The following SHC2 variants were observed in gnomAD, a reference collection of about 807,000 sequenced individuals.
SHC2 encodes the protein SHC adaptor protein 2.
SHC2 carries 62 observed loss-of-function variants against 60.6 expected under a neutral mutation model. The ratio of observed to expected loss-of-function variants is 1.02; its 90% CI spans 0.83 to 1.26. SHC2 has a LOEUF of 1.26. Ranked by LOEUF, SHC2 falls within the 50% of genes most tolerant of loss-of-function variation. The probability of loss-of-function intolerance (pLI) is 0.00; values close to 1 mark genes in which losing one functional copy is unlikely to be tolerated. For synonymous variants in SHC2, 375 were observed against 372.4 expected (o/e 1.01, Z -0.08); for missense variants, 873 against 822.2 (o/e 1.06, Z -0.76).
intron 9 of SHC2, among the ~76,000 whole-genome samples, chr19:430,289 C>T (rs1020672057): frequency 2.0e-5 from 3 of 151,386 alleles, no homozygotes; most frequent in Admixed American, 6.6e-5. Flanking sequence ...TATACCCCAA[C>T]GTGCACAGAA....
intron 12 of SHC2, among the ~76,000 whole-genome samples, chr19:418,091 T>C (rs545845714): frequency 2.0e-5 from 3 of 152,130 alleles, no homozygotes; most frequent in Admixed American, 2.0e-4. Context: ...GACCTGCCTG[T>C]CCCTCCTCCG....
chr19:456,090 C>T (rs1211748412), intron 1 of SHC2, among the ~76,000 whole-genome samples: 1 of 152,198 alleles, frequency 6.6e-6, no homozygotes, highest in African/African-American at 2.4e-5. Context: ...ACTGCGTAAC[C>T]TCAGACACAG....
rs897344564 is a variant in SHC2 at position 445,486 on chromosome 19, C to G, written c.469-4554G>C. 1.3e-5 allele frequency among the ~76,000 whole-genome samples: 2 copies of G among 152,178 alleles called. No individual in the cohort carries two copies. Among genetic ancestry groups the G allele is most frequent in the South Asian group, 2.1e-4 (1 of 4,830 alleles). On this transcript the variant is annotated intron_variant, in intron 1 of 12. Transcript: ENST00000264554. The surrounding 1 kb of genome is among the most constrained non-coding windows in gnomAD (Gnocchi z 4.4). ...CAGCAGCTCATGCCTGTAATCGCAG[C>G]ACTTCAGGAGACCTAGGTGGGAGGC...
rs1025523021 is a variant in SHC2 at position 440,196 on chromosome 19, C to T, written c.539+666G>A. On this transcript the variant is annotated intron_variant, in intron 2 of 12. Coordinates refer to ENST00000264554, the MANE Select transcript of SHC2 (RefSeq NM_012435.3). The surrounding 1 kb of genome is among the most constrained non-coding windows in gnomAD (Gnocchi z 7.0). ...GATCCACAGAGACAGGGAGGGGATGCGTGGGTGCCGGGGCTGGGGAGGGGA... is the reference window on the plus strand; with the variant it reads ...GATCCACAGAGACAGGGAGGGGATGTGTGGGTGCCGGGGCTGGGGAGGGGA... Among the ~76,000 whole-genome samples, 7 of 145,358 alleles carry T rather than the reference C, an allele frequency of 4.8e-5. No homozygotes were observed. Among genetic ancestry groups the T allele is most frequent in the African/African-American group, 1.0e-4 (4 of 39,222 alleles).
Position 422,152 on chromosome 19 carries a change from C to G in SHC2, c.1614G>C (p.Glu538Asp). The G allele has an allele frequency of 6.2e-7, 1 of 1,608,188 alleles. No individual in the cohort carries two copies. The highest frequency in any genetic ancestry group is 8.5e-7 in the Non-Finnish European group (1 of 1,177,286). Reference protein sequence around the residue: ...QPKHLLLVDPEGVVRTKDVLF... With the variant: ...QPKHLLLVDPDGVVRTKDVLF... Reference sequence around the variant, plus strand: ...CCACCTGTGCACAGCTTACCACGCCCTCGGGGTCCACGAGCAGCAGGTGCT... The same window carrying G: ...CCACCTGTGCACAGCTTACCACGCCGTCGGGGTCCACGAGCAGCAGGTGCT... Residue 538 changes from glutamate (E) to aspartate (D), a missense_variant, in exon 11 of 13, where the codon GAG becomes GAC. Physicochemically the swap from Glu to Asp is conservative, Grantham distance 45. Transcript: ENST00000264554. This position sits in a 1 kb window ranked among gnomAD's most constrained non-coding sequence, Gnocchi z 5.0.
Position 438,877 on chromosome 19 carries a change from G to A in SHC2, c.601-40C>T, listed in dbSNP as rs1334150172. ...GAGCACAGCGAGGGCGGCTGTGGGT[G>A]GGGGCTGTCGAGGGGCTCCCAGGAT... On this transcript the variant is annotated intron_variant, in intron 3 of 12. Coordinates refer to ENST00000264554, the MANE Select transcript of SHC2 (RefSeq NM_012435.3). This position sits in a 1 kb window ranked among gnomAD's most constrained non-coding sequence, Gnocchi z 5.0. 6.4e-7 allele frequency: 1 copy of A among 1,554,086 alleles called. No homozygotes were observed.
chr19:425,365 G>C lies in SHC2; in HGVS notation c.1175-134C>G, dbSNP rs1351113422. 1.2e-5 allele frequency: 9 copies of C among 732,904 alleles called. No individual in the cohort carries two copies. The South Asian group carries it at 2.7e-4, about 22-fold the overall frequency. The allele number at this position is 732,904 out of a possible 1,614,324, so 45.4% of individuals were successfully genotyped here. A position where few individuals can be genotyped will look rare whatever the true frequency, so the allele number is the denominator to read the frequency against. On this transcript the variant is annotated intron_variant, in intron 9 of 12. Coordinates refer to ENST00000264554, the MANE Select transcript of SHC2 (RefSeq NM_012435.3). This position sits in a 1 kb window ranked among gnomAD's most constrained non-coding sequence, Gnocchi z 4.1. ...TGGCTGCAGGGCGGATGCTGCTCTG[G>C]TCTCCCTGTGGTAACCCGCCCGTCT...
chr19:428,881 C>A (rs1252145530), intron 9 of SHC2, among the ~76,000 whole-genome samples: 5 of 151,852 alleles, frequency 3.3e-5, no homozygotes, highest in African/African-American at 1.2e-4. Context: ...AACCTCATAC[C>A]GTGTGGATGA....
At chr19:420,096 G>A (rs1974233565) in intron 11 of SHC2, among the ~76,000 whole-genome samples, 1 of 152,234 alleles carries the variant, frequency 6.6e-6, no homozygotes, top group Admixed American at 6.5e-5. Context: ...ACGTTCTGAA[G>A]CTTCTCCAGG....
chr19:447,863 T>C (rs550609762), intron 1 of SHC2, among the ~76,000 whole-genome samples: 2 of 152,298 alleles, frequency 1.3e-5, no homozygotes, highest in East Asian at 3.9e-4. Flanking sequence ...AAAATAAATA[T>C]ATTAATAAAA....
In SHC2 at chr19:440,943, A is replaced by G; in HGVS notation, c.469-11T>C. ...GATGCAGCCCATGTACTGAGGGGAG[A>G]GAACAGGTGTCAGATGCCATCGGAA... On this transcript the variant is annotated splice_polypyrimidine_tract_variant and intron_variant, in intron 1 of 12. Transcript: ENST00000264554. This position sits in a 1 kb window ranked among gnomAD's most constrained non-coding sequence, Gnocchi z 7.0. The G allele has an allele frequency of 6.2e-7, 1 of 1,611,374 alleles. No individual in the cohort carries two copies. The highest frequency in any genetic ancestry group is 8.5e-7 in the Non-Finnish European group (1 of 1,178,518).
intron 9 of SHC2, among the ~76,000 whole-genome samples, chr19:429,746 ATG>A (rs1974521923): frequency 7.8e-6 from 1 of 128,350 alleles, no homozygotes; most frequent in Admixed American, 7.7e-5. Flanking sequence ...TATACCCAAC[ATG>A]CTCGGAAACC....
chr19:430,231 A>G (rs1039715700), intron 9 of SHC2, among the ~76,000 whole-genome samples: 17 of 145,574 alleles, frequency 1.2e-4, no homozygotes, highest in Admixed American at 3.5e-4. Flanking sequence ...CGCAGTATGT[A>G]TATCCAACGT....
chr19:435,388 G>C (rs1246158979), intron 7 of SHC2, among the ~76,000 whole-genome samples: 2 of 152,258 alleles, frequency 1.3e-5, no homozygotes, highest in Non-Finnish European at 2.9e-5. Context: ...GGCAGCTCTG[G>C]AGGCAGGCGA....
chr19:420,641 G>C (rs1259350373), intron 11 of SHC2, among the ~76,000 whole-genome samples: 1 of 152,216 alleles, frequency 6.6e-6, no homozygotes, highest in Non-Finnish European at 1.5e-5. Context: ...GGAGAGAGAA[G>C]AGAAAAACCT....
chr19:418,145 G>A (rs1974195004), intron 12 of SHC2, among the ~76,000 whole-genome samples: 1 of 152,128 alleles, frequency 6.6e-6, no homozygotes, highest in Non-Finnish European at 1.5e-5. Flanking sequence ...CACCAAAAGT[G>A]GAGGCCTGGG....
At chr19:452,171 TGGGG>T (rs1171161539) in intron 1 of SHC2, among the ~76,000 whole-genome samples, 4 of 151,516 alleles carry the variant, frequency 2.6e-5, no homozygotes, top group African/African-American at 9.7e-5. Context: ...CGTACTGACT[TGGGG>T]GGAATTCCTG....
At chr19:417,914 C>T (rs1974189818) in intron 12 of SHC2, among the ~76,000 whole-genome samples, 1 of 152,232 alleles carries the variant, frequency 6.6e-6, no homozygotes, top group African/African-American at 2.4e-5. Context: ...AGGAGAGCGG[C>T]CTGACCTGGC....
At position 440,773 on chromosome 19, in the gene SHC2, CGGAGA is replaced by C; in HGVS notation, c.539+84_539+88del. ...CGTCCTGGGACCCCAGCGCGGCTGT[CGGAGA>C]GCCCATCGCTGCCGCCCTCCAGTGC... On this transcript the variant is annotated intron_variant, in intron 2 of 12. Transcript: ENST00000264554. The surrounding 1 kb of genome is among the most constrained non-coding windows in gnomAD (Gnocchi z 7.0). 8.6e-7 allele frequency: 1 copy of C among 1,161,918 alleles called. No homozygotes were observed. The highest frequency in any genetic ancestry group is 1.3e-6 in the Non-Finnish European group (1 of 777,220). 72.0% of individuals were successfully genotyped at this position (1,161,918 alleles called of 1,614,324 possible).
Sources: gnomAD v4.1 joint callset for allele counts (sites outside exome capture counted in the v4.1 genomes callset) on GRCh38, gnomAD v4.1.1 for gene constraint, Gnocchi (gnomAD v3.1) non-coding constraint, MANE v1.5 for transcripts, NCBI Gene and HGNC (gene_info 2026-07-23, HGNC 2026-07-21) for gene names.